The following CD46 variants were observed in gnomAD, a reference collection of about 807,000 sequenced individuals.
The protein encoded by CD46 is membrane cofactor protein.
In CD46, 30 loss-of-function variants were observed where a neutral mutation model predicts 53.3. That is an observed-to-expected ratio of 0.56 (90% CI 0.42 to 0.76). The LOEUF (loss-of-function observed/expected upper bound fraction) is 0.76. Among genes scored for constraint, CD46 ranks in the 30% least tolerant of loss-of-function variants. The pLI is 0.00. For missense variants in CD46, 409 were observed against 463.0 expected (o/e 0.88, Z 1.07); for synonymous variants, 142 against 152.0 (o/e 0.93, Z 0.48).
intron 8 of CD46, among the ~76,000 whole-genome samples, chr1:207,775,430 C>G (rs1357875492): frequency 6.6e-6 from 1 of 152,226 alleles, no homozygotes; most frequent in Admixed American, 6.5e-5. Context: ...TGGCAAGGAG[C>G]TGTGATCCTT....
At chr1:207,785,131 A>G in intron 10 of CD46, 25 bp downstream of exon 10, 1 of 1,563,510 alleles carries the variant, frequency 6.4e-7, no homozygotes, top group South Asian at 1.1e-5. Context: ...TTTTGACACC[A>G]CTTAAGTCAA....
At chr1:207,776,842 G>A (rs113016599) in intron 8 of CD46, among the ~76,000 whole-genome samples, 4 of 152,140 alleles carry the variant, frequency 2.6e-5, no homozygotes, top group African/African-American at 9.7e-5. Flanking sequence ...TGCCATGTTG[G>A]CAAGTCTTTT....
intron 11 of CD46, chr1:207,785,903 G>C (rs1040593431): frequency 2.1e-6 from 1 of 473,738 alleles, no homozygotes; most frequent in Non-Finnish European, 3.8e-6. Flanking sequence ...AGTTCCTACA[G>C]CTATTATGAC....
At chr1:207,779,589 GTCTT>G (rs1658494022) in intron 8 of CD46, among the ~76,000 whole-genome samples, 1 of 152,072 alleles carries the variant, frequency 6.6e-6, no homozygotes, top group African/African-American at 2.4e-5. Flanking sequence ...TGACTTTGGT[GTCTT>G]TCTTACTAAA....
chr1:207,793,625 T>G lies in CD46; in HGVS notation c.*148T>G. On this transcript the variant is annotated 3_prime_UTR_variant, in exon 13 of 13. Coordinates refer to ENST00000367042, the MANE Select transcript of CD46 (RefSeq NM_172351.3). ...CACAACCTGGTTTGCCAGTTCATCT[T>G]TTGACTCTATTAAAATCTTCAATAG... 6.5e-7 allele frequency: 1 copy of G among 1,542,048 alleles called. No individual in the cohort carries two copies. The highest frequency in any genetic ancestry group is 9.0e-7 in the Non-Finnish European group (1 of 1,114,708).
chr1:207,755,458 G>A (rs1655422073), intron 1 of CD46, among the ~76,000 whole-genome samples: 1 of 152,220 alleles, frequency 6.6e-6, no homozygotes, highest in Non-Finnish European at 1.5e-5. Context: ...AGACAGTGCT[G>A]TGCATGGGAG....
In CD46 at chr1:207,767,840, C is replaced by T. The variant is rs746068089; in HGVS notation, c.901+17C>T. The T allele has an allele frequency of 1.9e-6, 3 of 1,588,102 alleles. No individual in the cohort carries two copies. The highest frequency in any genetic ancestry group is 2.6e-6 in the Non-Finnish European group (3 of 1,156,990). On this transcript the variant is annotated intron_variant, in intron 7 of 12. Coordinates refer to ENST00000367042, the MANE Select transcript of CD46 (RefSeq NM_172351.3). ...GTGCCTCAGGTTTAGTAATTTCCTGCTTATAGTTTTTCAAAAATCCTTTAA... is the reference window on the plus strand; with the variant it reads ...GTGCCTCAGGTTTAGTAATTTCCTGTTTATAGTTTTTCAAAAATCCTTTAA...
chr1:207,753,165 T>C (rs1232479705), intron 1 of CD46, among the ~76,000 whole-genome samples: 5 of 152,122 alleles, frequency 3.3e-5, no homozygotes, highest in Non-Finnish European at 7.3e-5. Context: ...TTTGACATTG[T>C]TTTCCTTCTT....
chr1:207,754,186 T>A (rs1228117423), intron 1 of CD46, among the ~76,000 whole-genome samples: 2 of 152,172 alleles, frequency 1.3e-5, no homozygotes, highest in East Asian at 3.9e-4. Flanking sequence ...CAGATATAAA[T>A]CTGACAGCAT....
chr1:207,785,037 G>A, intron 9 of CD46, 34 bp from the exon 10 acceptor site: 1 of 1,581,656 alleles, frequency 6.3e-7, no homozygotes, highest in African/African-American at 1.3e-5. Context: ...GGAGATCCAT[G>A]TGTTCAACAT....
chr1:207,775,230 C>G (rs950386350), intron 8 of CD46, among the ~76,000 whole-genome samples: 1 of 152,196 alleles, frequency 6.6e-6, no homozygotes, highest in African/African-American at 2.4e-5. Flanking sequence ...TCAGCTCCAT[C>G]ATGTCATTTA....
chr1:207,788,503 G>A (rs1659495271), intron 11 of CD46, among the ~76,000 whole-genome samples: 1 of 152,150 alleles, frequency 6.6e-6, no homozygotes, highest in African/African-American at 2.4e-5. Context: ...GGGTGACGGA[G>A]TGAGACTCCA....
chr1:207,787,104 C>T (rs1659339181), intron 11 of CD46, among the ~76,000 whole-genome samples: 1 of 152,152 alleles, frequency 6.6e-6, no homozygotes, highest in Non-Finnish European at 1.5e-5. Context: ...TGGAGTCTTG[C>T]TCTGTCACCC....
chr1:207,768,058 A>G (rs902478577), intron 7 of CD46: 3 of 489,548 alleles, frequency 6.1e-6, no homozygotes, highest in Non-Finnish European at 7.3e-6. Flanking sequence ...ATGTGTTTAT[A>G]TATATATGTT....
rs780526380 is a variant in CD46 at position 207,761,431 on chromosome 1, G to T, written c.658G>T (p.Ala220Ser). The T allele has an allele frequency of 1.2e-6, 2 of 1,613,352 alleles. No individual in the cohort carries two copies. Among genetic ancestry groups the T allele is most frequent in the East Asian group, 2.2e-5 (1 of 44,862 alleles). Residue 220 changes from alanine (A) to serine (S), a missense_variant, in exon 5 of 13, where the codon GCT becomes TCT. Coordinates refer to ENST00000367042, the MANE Select transcript of CD46 (RefSeq NM_172351.3). ...TGACAATTCAGTGTGGAGTCGTGCT[G>T]CTCCAGAGTGTAAAGGTAGTGTTTC... ...CGDNSVWSRA[A>S]PECKVVKCRF...
rs2102690046 is a variant in CD46 at position 207,785,673 on chromosome 1, A to G, written c.1073A>G (p.Lys358Arg). ...CCGTACAGATATCTTCAAAGGAGGA[A>G]GAAGAAAGGGTAAATTAAAGCATGT... ...VVPYRYLQRR[K>R]KKGTYLTDET... is the part of the protein sequence containing the mutation. The change falls in exon 11 of 13, where the codon AAG becomes AGG. Residue 358 changes from lysine (K) to arginine (R), a missense_variant. Lys to Arg is a conservative substitution (Grantham distance 26). Coordinates refer to ENST00000367042, the MANE Select transcript of CD46 (RefSeq NM_172351.3). The G allele has an allele frequency of 6.2e-6, 10 of 1,604,622 alleles. No homozygotes were observed. The highest frequency in any genetic ancestry group is 8.5e-6 in the Non-Finnish European group (10 of 1,171,492).
chr1:207,759,820 A>G (rs1005823877), intron 4 of CD46, 96 bp downstream of exon 4: 1 of 707,166 alleles, frequency 1.4e-6, no homozygotes, highest in African/African-American at 1.8e-5. Flanking sequence ...CAAAGATCCC[A>G]AAGAGGTTTC....
At chr1:207,782,175 C>G (rs1001097524) in intron 8 of CD46, among the ~76,000 whole-genome samples, 6 of 152,024 alleles carry the variant, frequency 3.9e-5, no homozygotes, top group Non-Finnish European at 7.4e-5. Context: ...CTTTTTGATG[C>G]TATTACAAAT....
rs888311459 is a variant in CD46 at position 207,752,470 on chromosome 1, G to C, written c.97+161G>C. Among the ~76,000 whole-genome samples the C allele has an allele frequency of 1.3e-5, 2 of 152,234 alleles. No individual in the cohort carries two copies. Among genetic ancestry groups the C allele is most frequent in the African/African-American group, 4.8e-5 (2 of 41,466 alleles). Reference sequence around the variant, plus strand: ...ATCCCGGGGGTATGTGGCGGGGAATGCGGGGACCACGCAGAGCCCGAGGTG... The same window carrying C: ...ATCCCGGGGGTATGTGGCGGGGAATCCGGGGACCACGCAGAGCCCGAGGTG... On this transcript the variant is annotated intron_variant, in intron 1 of 12. Transcript: ENST00000367042. This position sits in a 1 kb window ranked among gnomAD's most constrained non-coding sequence, Gnocchi z 4.1.
Sources: gnomAD v4.1 joint callset for allele counts (sites outside exome capture counted in the v4.1 genomes callset) on GRCh38, gnomAD v4.1.1 for gene constraint, Gnocchi (gnomAD v3.1) non-coding constraint, MANE v1.5 for transcripts, NCBI Gene and HGNC (gene_info 2026-07-23, HGNC 2026-07-21) for gene names.